BRWD3: variants seen among roughly 807,000 people sequenced by gnomAD.
The protein encoded by BRWD3 is bromodomain and WD repeat-containing protein 3.
Under a neutral mutation model 149.7 loss-of-function variants are expected in BRWD3, and 10 were observed. The observed-to-expected ratio is 0.07, with a 90% CI of 0.04 to 0.11. The LOEUF is 0.11. BRWD3 is among the 10% of genes least tolerant of loss of function. The pLI is 1.00. For missense variants in BRWD3, 940 were observed against 1,373.2 expected, an observed-to-expected ratio of 0.68 and a Z score of 4.99; for synonymous variants, 504 against 456.7, an observed-to-expected ratio of 1.10 and a Z score of -1.32.
chrX:80,682,413 A>G, intron 38 of BRWD3, 52 bp downstream of exon 38: 1 of 1,153,028 alleles, frequency 8.7e-7, no homozygotes, highest in Non-Finnish European at 1.2e-6. Context: ...AAATTAGGTA[A>G]TACATACAAA....
chrX:80,708,399 T>TC (rs2072900938), intron 21 of BRWD3, among the ~76,000 whole-genome samples: 1 of 106,667 alleles, frequency 9.4e-6, no homozygotes. Context: ...CTTGTCTTTT[T>TC]TTTTTTTTTT....
At chrX:80,768,845 G>A (rs1159569039) in intron 6 of BRWD3, among the ~76,000 whole-genome samples, 2 of 109,769 alleles carry the variant, frequency 1.8e-5, no homozygotes, top group African/African-American at 3.3e-5. Flanking sequence ...CAACTCAGGT[G>A]CAGAGACACA....
intron 8 of BRWD3, chrX:80,743,629 G>T (rs1446685401): frequency 1.7e-5 from 2 of 120,458 alleles, no homozygotes; most frequent in African/African-American, 3.3e-5. Flanking sequence ...TCTTGGGAGG[G>T]TGTATGTGTC....
chrX:80,679,181 C>T (rs768661437), intron 40 of BRWD3, among the ~76,000 whole-genome samples: 8 of 111,891 alleles, frequency 7.1e-5, no homozygotes, highest in Non-Finnish European at 1.3e-4. Context: ...TATGGAAACC[C>T]AAGCTGACTA....
intron 4 of BRWD3, among the ~76,000 whole-genome samples, chrX:80,794,023 A>G (rs954268048): frequency 5.4e-5 from 6 of 110,136 alleles, no homozygotes; most frequent in Non-Finnish European, 1.1e-4. Flanking sequence ...CACTAAAAAT[A>G]CAAAATTAGC....
Position 80,691,189 on chromosome X carries a change from A to G in BRWD3, c.3482-16T>C, listed in dbSNP as rs775193820. The stretch of plus-strand genomic sequence containing the variant: ...CTGGCAAAATCTACAAAATTATGAA[A>G]ATCAAATAAGGTAGCTATAAAGGAC... On this transcript the variant is annotated splice_polypyrimidine_tract_variant and intron_variant, in intron 30 of 40. Coordinates refer to ENST00000373275, the MANE Select transcript of BRWD3 (RefSeq NM_153252.5). The G allele has an allele frequency of 9.2e-6, 11 of 1,200,815 alleles. No homozygotes were observed. The African/African-American group carries it at 1.4e-4, about 15-fold the overall frequency.
intron 20 of BRWD3, among the ~76,000 whole-genome samples, chrX:80,712,908 C>T (rs1215686398): frequency 2.1e-5 from 2 of 95,946 alleles, no homozygotes; most frequent in Non-Finnish European, 4.6e-5. Flanking sequence ...AGCCCCTCCG[C>T]CCGGCAGCCG....
chrX:80,782,349 G>T (rs1443020848), intron 6 of BRWD3, among the ~76,000 whole-genome samples: 1 of 111,102 alleles, frequency 9.0e-6, no homozygotes, highest in Non-Finnish European at 1.9e-5. Context: ...CCATATACAA[G>T]AATCAAATCA....
At chrX:80,764,047 CA>C in intron 6 of BRWD3, among the ~76,000 whole-genome samples, 2 of 111,598 alleles carry the variant, frequency 1.8e-5, no homozygotes, top group South Asian at 3.7e-4. Context: ...AATAAAGGGC[CA>C]AAAAAATTTG....
intron 34 of BRWD3, among the ~76,000 whole-genome samples, 189 bp from the exon 35 acceptor site, chrX:80,687,192 C>CA (rs1020084850): frequency 1.8e-5 from 2 of 109,137 alleles, no homozygotes; most frequent in African/African-American, 6.7e-5. Flanking sequence ...AATTAGTGAG[C>CA]AAAAAAACCT....
At chrX:80,787,564 C>A (rs2074122525) in intron 6 of BRWD3, among the ~76,000 whole-genome samples, 1 of 104,817 alleles carries the variant, frequency 9.5e-6, no homozygotes, top group African/African-American at 3.6e-5. Context: ...GAATTAGACA[C>A]CCATATGCAA....
At chrX:80,776,754 C>A (rs1337183594) in intron 6 of BRWD3, among the ~76,000 whole-genome samples, 2 of 111,268 alleles carry the variant, frequency 1.8e-5, no homozygotes, top group Non-Finnish European at 3.8e-5. Context: ...TTGCTATTTT[C>A]ACTTATTACC....
chrX:80,695,838 T>A (rs2072682707), intron 27 of BRWD3, 70 bp downstream of exon 27: 1 of 888,576 alleles, frequency 1.1e-6, no homozygotes. Context: ...TTCTTTCTGT[T>A]AAATCACAGT....
At position 80,692,932 on chromosome X, in the gene BRWD3, A is replaced by G; in HGVS notation, c.3263+8T>C. ...ATATTAGGCATAAAAGATCATAAAC[A>G]TACTTACTGAACACTGTAACACTGG... On this transcript the variant is annotated splice_region_variant and intron_variant, in intron 28 of 40. Transcript: ENST00000373275. The G allele has an allele frequency of 1.7e-6, 2 of 1,179,812 alleles. No individual in the cohort carries two copies. Among genetic ancestry groups the G allele is most frequent in the Non-Finnish European group, 2.3e-6 (2 of 866,245 alleles).
chrX:80,713,634 G>C (rs1421707716), intron 20 of BRWD3, among the ~76,000 whole-genome samples: 1 of 109,388 alleles, frequency 9.1e-6, no homozygotes, highest in Non-Finnish European at 1.9e-5. Flanking sequence ...CTCCACTATT[G>C]TCCTATGACC....
intron 26 of BRWD3, among the ~76,000 whole-genome samples, chrX:80,696,510 T>C (rs1465033485): frequency 1.3e-5 from 1 of 79,949 alleles, no homozygotes; most frequent in Non-Finnish European, 2.3e-5. Flanking sequence ...TAACTATCCA[T>C]AACATAAATA....
intron 20 of BRWD3, among the ~76,000 whole-genome samples, chrX:80,713,420 C>G (rs1160497954): frequency 8.9e-6 from 1 of 111,896 alleles, no homozygotes; most frequent in East Asian, 2.8e-4. Context: ...GAAACATGTG[C>G]TGTGTCCACT....
chrX:80,681,231 CTATAAGGA>C (rs1407187699), intron 40 of BRWD3, 102 bp downstream of exon 40: 5 of 796,949 alleles, frequency 6.3e-6, no homozygotes, highest in Non-Finnish European at 9.2e-6. Context: ...TTCTCATTAA[CTATAAGGA>C]TATACTAGTT....
At position 80,675,679 on chromosome X, in the gene BRWD3, AGTT is replaced by A. The variant is rs1437516625; in HGVS notation, c.*927_*929del. ...TTTCCTTAATGTTTCCAGTAGTTGTAGTTAAGAGGTAGCTGAGCTACTGTTCAA... is the reference window on the plus strand; with the variant it reads ...TTTCCTTAATGTTTCCAGTAGTTGTAAAGAGGTAGCTGAGCTACTGTTCAA... On this transcript the variant is annotated 3_prime_UTR_variant, in exon 41 of 41. Coordinates refer to ENST00000373275, the MANE Select transcript of BRWD3 (RefSeq NM_153252.5). 1 of 111,789 alleles carries A rather than the reference AGTT, an allele frequency of 8.9e-6. No homozygotes were observed. The highest frequency in any genetic ancestry group is 3.2e-5 in the African/African-American group (1 of 30,774). 9.2% of individuals were successfully genotyped at this position (111,789 alleles called of 1,213,427 possible).
Sources: allele counts gnomAD v4.1 joint callset (sites outside exome capture counted in the v4.1 genomes callset), GRCh38; gene constraint gnomAD v4.1.1; transcripts MANE v1.5; gene names NCBI Gene and HGNC (gene_info 2026-07-23, HGNC 2026-07-21).